The following TOM1L2 variants were observed in gnomAD, a reference collection of about 807,000 sequenced individuals.
TOM1L2 encodes target of myb1 like 2 membrane trafficking protein, also known as TOM1-like protein 2.
In TOM1L2, 31 loss-of-function variants were observed where a neutral mutation model predicts 67.9. That is an observed-to-expected ratio of 0.46 (90% CI 0.34 to 0.62). The LOEUF is 0.62. Among genes scored for constraint, TOM1L2 ranks in the 20% least tolerant of loss-of-function variants. TOM1L2 has a pLI of 0.01. For missense variants in TOM1L2, 606 were observed against 663.5 expected, an observed-to-expected ratio of 0.91 and a Z score of 0.95; for synonymous variants, 256 against 254.0, an observed-to-expected ratio of 1.01 and a Z score of -0.07.
At chr17:17,904,944 G>A (rs2039022364) in intron 2 of TOM1L2, among the ~76,000 whole-genome samples, 1 of 152,212 alleles carries the variant, frequency 6.6e-6, no homozygotes, top group South Asian at 2.1e-4. Flanking sequence ...TGCCAGGTGA[G>A]CGTTCAAGGG....
chr17:17,889,915 T>TA (rs1203152796), intron 4 of TOM1L2, among the ~76,000 whole-genome samples: 1 of 152,112 alleles, frequency 6.6e-6, no homozygotes, highest in African/African-American at 2.4e-5. Context: ...AGAAGTCTGT[T>TA]ACCGCTCTGG....
At chr17:17,964,667 AG>A (rs1302176713) in intron 1 of TOM1L2, among the ~76,000 whole-genome samples, 1 of 152,162 alleles carries the variant, frequency 6.6e-6, no homozygotes, top group Non-Finnish European at 1.5e-5. Context: ...CTGAAGCGGG[AG>A]GATCACTTGA....
intron 3 of TOM1L2, among the ~76,000 whole-genome samples, chr17:17,896,934 G>A (rs922268246): frequency 3.3e-5 from 5 of 152,194 alleles, no homozygotes; most frequent in Non-Finnish European, 7.3e-5. Context: ...CATGCAAAGC[G>A]CGCTAGGATG....
chr17:17,907,305 CAG>C (rs2039142065), intron 2 of TOM1L2, 140 bp downstream of exon 2: 1 of 675,794 alleles, frequency 1.5e-6, no homozygotes. Context: ...ACAGATAATT[CAG>C]AGTGTCAGCT....
intron 5 of TOM1L2, among the ~76,000 whole-genome samples, chr17:17,883,238 T>A (rs1390917073): frequency 1.3e-5 from 2 of 152,238 alleles, no homozygotes; most frequent in Non-Finnish European, 2.9e-5. Flanking sequence ...GATCTTTACT[T>A]GGTACCATAA....
intron 1 of TOM1L2, among the ~76,000 whole-genome samples, chr17:17,938,747 T>C (rs908776151): frequency 6.7e-6 from 1 of 149,596 alleles, no homozygotes; most frequent in Admixed American, 6.8e-5. Flanking sequence ...ATCCTCACCA[T>C]GAGGCAAAGG....
chr17:17,850,991 A>G (rs776279483), intron 12 of TOM1L2, 39 bp from the exon 13 acceptor site: 4 of 1,610,176 alleles, frequency 2.5e-6, no homozygotes, highest in Admixed American at 3.3e-5. Context: ...CAGCCCCCAC[A>G]CAGCCAGCGA....
intron 4 of TOM1L2, 53 bp from the exon 5 acceptor site, chr17:17,884,821 C>A (rs2037911650): frequency 1.9e-6 from 3 of 1,608,100 alleles, no homozygotes; most frequent in South Asian, 1.1e-5. Flanking sequence ...GCCATGGTAT[C>A]TGAAAATCCA....
At chr17:17,926,380 G>A (rs142424594) in intron 1 of TOM1L2, among the ~76,000 whole-genome samples, 9 of 152,176 alleles carry the variant, frequency 5.9e-5, no homozygotes, top group Non-Finnish European at 1.3e-4. Flanking sequence ...GCTAGTTAAG[G>A]AGGACCAAAC....
intron 4 of TOM1L2, among the ~76,000 whole-genome samples, chr17:17,891,957 G>T (rs2038308383): frequency 6.6e-6 from 1 of 150,384 alleles, no homozygotes; most frequent in Admixed American, 6.6e-5. Context: ...AAGAAATACT[G>T]AACACCCGCT....
In TOM1L2 at chr17:17,884,069, G is replaced by C. The variant is rs370392640; in HGVS notation, c.501+565C>G. 9.9e-5 allele frequency among the ~76,000 whole-genome samples: 15 copies of C among 152,266 alleles called. No individual in the cohort carries two copies. The East Asian group carries it at 2.3e-3, about 24-fold the overall frequency. Reference sequence around the variant, plus strand: ...CTCCACGGTGCTCAAGTTACTGTTGGCACTGCAAAAGCTTTGGTGGGATGC... The same window carrying C: ...CTCCACGGTGCTCAAGTTACTGTTGCCACTGCAAAAGCTTTGGTGGGATGC... On this transcript the variant is annotated intron_variant, in intron 5 of 14. Coordinates refer to ENST00000379504, the MANE Select transcript of TOM1L2 (RefSeq NM_001082968.2).
chr17:17,882,952 C>T, intron 5 of TOM1L2, 89 bp from the exon 6 acceptor site: 1 of 1,501,952 alleles, frequency 6.7e-7, no homozygotes, highest in Non-Finnish European at 9.1e-7. Flanking sequence ...AGCACTTCCC[C>T]AAGGCTGCCC....
chr17:17,915,430 T>A (rs1362797133), intron 1 of TOM1L2, among the ~76,000 whole-genome samples: 11 of 152,210 alleles, frequency 7.2e-5, no homozygotes, highest in Non-Finnish European at 1.5e-4. Context: ...TGACTACTGA[T>A]GTTGAGCATT....
At chr17:17,953,216 G>A (rs1345464422) in intron 1 of TOM1L2, among the ~76,000 whole-genome samples, 1 of 152,178 alleles carries the variant, frequency 6.6e-6, no homozygotes, top group African/African-American at 2.4e-5. Flanking sequence ...GGAGGCAGAG[G>A]TTGCAGTGAG....
At chr17:17,876,930 G>T (rs950701306) in intron 7 of TOM1L2, among the ~76,000 whole-genome samples, 5 of 152,058 alleles carry the variant, frequency 3.3e-5, no homozygotes, top group African/African-American at 1.2e-4. Context: ...GTGTAGAACT[G>T]AACCAACTTC....
intron 4 of TOM1L2, among the ~76,000 whole-genome samples, chr17:17,889,195 G>A (rs529050799): frequency 6.6e-6 from 1 of 152,338 alleles, no homozygotes; most frequent in South Asian, 2.1e-4. Context: ...TGGCTGGAGG[G>A]CAGCCAGAAG....
chr17:17,934,463 A>G (rs1351844008), intron 1 of TOM1L2, among the ~76,000 whole-genome samples: 1 of 152,134 alleles, frequency 6.6e-6, no homozygotes, highest in African/African-American at 2.4e-5. Context: ...CCACACAAAA[A>G]AACAGTATAT....
chr17:17,944,990 A>G (rs370564768), intron 1 of TOM1L2, among the ~76,000 whole-genome samples: 3 of 152,286 alleles, frequency 2.0e-5, no homozygotes, highest in South Asian at 4.1e-4. Context: ...TGCTGCCCGC[A>G]CTGCCGCCGC....
intron 11 of TOM1L2, 48 bp downstream of exon 11, chr17:17,862,683 C>A: frequency 1.3e-6 from 2 of 1,500,216 alleles, no homozygotes; most frequent in South Asian, 2.3e-5. Flanking sequence ...AGGCATGGGT[C>A]AATCCCCCCA....
Sources: gnomAD v4.1 joint callset for allele counts (sites outside exome capture counted in the v4.1 genomes callset) on GRCh38, gnomAD v4.1.1 for gene constraint, MANE v1.5 for transcripts, NCBI Gene and HGNC (gene_info 2026-07-23, HGNC 2026-07-21) for gene names.